The following MAPKAP1 variants were observed in gnomAD, a reference collection of about 807,000 sequenced individuals.
MAPKAP1 encodes the protein MAPK associated protein 1.
MAPKAP1 carries 20 observed loss-of-function variants against 65.7 expected under a neutral mutation model. That is an observed-to-expected ratio of 0.30 (90% CI 0.21 to 0.44). The LOEUF is 0.44. Ranked by LOEUF, MAPKAP1 falls within the 20% of genes least tolerant of loss-of-function variation. The pLI is 1.00. For synonymous variants in MAPKAP1, 222 were observed against 244.3 expected (o/e 0.91, Z 0.85); for missense variants, 423 against 648.0 (o/e 0.65, Z 3.77).
chr9:125,604,672 A>G (rs1036303175), intron 4 of MAPKAP1, among the ~76,000 whole-genome samples: 1 of 152,280 alleles, frequency 6.6e-6, no homozygotes, highest in Non-Finnish European at 1.5e-5. Flanking sequence ...TAAAGAATGA[A>G]TAACAGCACA....
intron 7 of MAPKAP1, among the ~76,000 whole-genome samples, chr9:125,537,024 T>C (rs78746771): frequency 0.024 from 3,704 of 152,344 alleles, 149 homozygotes; most frequent in African/African-American, 0.085. Flanking sequence ...CTCGTGCATT[T>C]AGATCTCAGA....
At chr9:125,505,458 T>A (rs983936072) in intron 8 of MAPKAP1, among the ~76,000 whole-genome samples, 1 of 151,360 alleles carries the variant, frequency 6.6e-6, no homozygotes, top group Admixed American at 6.6e-5. Context: ...GCCTGGCCAA[T>A]GCAGCAAGAC....
chr9:125,706,921 C>G (rs556570628), intron 1 of MAPKAP1, 50 bp downstream of exon 1: 2 of 389,704 alleles, frequency 5.1e-6, no homozygotes, highest in South Asian at 2.9e-4. Flanking sequence ...GGTGGGCAAG[C>G]TGGTGGGCTG....
intron 1 of MAPKAP1, among the ~76,000 whole-genome samples, chr9:125,704,608 A>AAG (rs1835703669): frequency 6.6e-6 from 1 of 152,180 alleles, no homozygotes; most frequent in African/African-American, 2.4e-5. Flanking sequence ...CGAAGTATTT[A>AAG]TTAACTGGAA....
intron 11 of MAPKAP1, among the ~76,000 whole-genome samples, chr9:125,442,021 C>T (rs1010517436): frequency 2.7e-5 from 4 of 146,902 alleles, no homozygotes; most frequent in Non-Finnish European, 6.0e-5. Flanking sequence ...CCCAGCTACT[C>T]GGGAAGCTGA....
At chr9:125,533,552 C>T (rs56074662) in intron 7 of MAPKAP1, among the ~76,000 whole-genome samples, 3,047 of 152,140 alleles carry the variant, frequency 0.02, 107 homozygotes, top group African/African-American at 0.069. Flanking sequence ...CAGGTTCAAG[C>T]GATTCTCCCT....
chr9:125,583,389 T>C (rs1277087380), intron 5 of MAPKAP1, among the ~76,000 whole-genome samples: 1 of 152,264 alleles, frequency 6.6e-6, no homozygotes, highest in Non-Finnish European at 1.5e-5. Context: ...TGTATTATAT[T>C]GTTATTACCT....
intron 4 of MAPKAP1, among the ~76,000 whole-genome samples, chr9:125,651,692 A>C (rs1025693025): frequency 2.6e-5 from 4 of 152,216 alleles, no homozygotes; most frequent in Non-Finnish European, 5.9e-5. Flanking sequence ...TAGTCACTCT[A>C]GATTTATCTC....
intron 4 of MAPKAP1, among the ~76,000 whole-genome samples, chr9:125,590,897 C>T (rs1589318729): frequency 6.6e-6 from 1 of 152,006 alleles, no homozygotes; most frequent in African/African-American, 2.4e-5. Flanking sequence ...CCTCAGCCAC[C>T]CAAATAGCTG....
intron 10 of MAPKAP1, among the ~76,000 whole-genome samples, chr9:125,451,505 C>G (rs1185150174): frequency 6.6e-6 from 1 of 152,108 alleles, no homozygotes; most frequent in Non-Finnish European, 1.5e-5. Context: ...TGGCCTATAC[C>G]TTTCTCCAGA....
intron 10 of MAPKAP1, among the ~76,000 whole-genome samples, chr9:125,462,226 T>G (rs1032045537): frequency 1.3e-5 from 2 of 152,106 alleles, no homozygotes; most frequent in African/African-American, 4.8e-5. Flanking sequence ...CCAGGGTGAT[T>G]TCAGTAACAA....
At chr9:125,600,835 T>C (rs993986571) in intron 4 of MAPKAP1, among the ~76,000 whole-genome samples, 2 of 152,194 alleles carry the variant, frequency 1.3e-5, no homozygotes, top group African/African-American at 4.8e-5. Context: ...CTGTAGATCA[T>C]TAATGTTACA....
Position 125,503,880 on chromosome 9 carries a change from C to CTTTTTTTT in MAPKAP1, c.1066+2422_1066+2429dup, listed in dbSNP as rs35867576. ...TATAGGCACCCGCCACCACGCTTGG[C>CTTTTTTTT]TTTTTTTTTTTTTTTTTTTTTTTTT... On this transcript the variant is annotated intron_variant, in intron 8 of 11. Transcript: ENST00000265960. Among the ~76,000 whole-genome samples, 368 of 66,216 alleles carry CTTTTTTTT rather than the reference C, an allele frequency of 5.6e-3. 28 individuals carry two copies. The highest frequency in any genetic ancestry group is 0.02 in the African/African-American group (250 of 12,578). 43.4% of individuals were successfully genotyped at this position (66,216 alleles called of 152,430 possible). A position where few individuals can be genotyped will look rare whatever the true frequency, so the allele number is the denominator to read the frequency against.
chr9:125,490,099 C>G (rs1854643660), intron 8 of MAPKAP1, among the ~76,000 whole-genome samples: 1 of 152,190 alleles, frequency 6.6e-6, no homozygotes, highest in South Asian at 2.1e-4. Flanking sequence ...TAGTGGTTCT[C>G]AAAGTGCACA....
intron 4 of MAPKAP1, among the ~76,000 whole-genome samples, chr9:125,619,679 T>C (rs1389649273): frequency 6.6e-6 from 1 of 151,916 alleles, no homozygotes; most frequent in Non-Finnish European, 1.5e-5. Flanking sequence ...CAACTGCAAC[T>C]ACAAATACCT....
intron 7 of MAPKAP1, among the ~76,000 whole-genome samples, chr9:125,519,016 T>A (rs1829543331): frequency 6.6e-6 from 1 of 152,236 alleles, no homozygotes; most frequent in Admixed American, 6.5e-5. Flanking sequence ...ACATTTATTT[T>A]AAAAATTCAA....
chr9:125,657,731 A>C lies in MAPKAP1; in HGVS notation c.418T>G (p.Ser140Ala). The stretch of plus-strand genomic sequence containing the variant: ...TGTTCTAGGCGTACAGATAATATCG[A>C]CTGCTTCCCAGAAATTGGAGGCTTC... ...KEKPPISGKQ[S>A]ILSVRLEQCP... The change falls in exon 4 of 12, where the codon TCG (serine) becomes GCG (alanine). Residue 140 changes from serine to alanine, a missense_variant. Physicochemically the swap from Ser to Ala is moderately conservative, Grantham distance 99. Coordinates refer to ENST00000265960, the MANE Select transcript of MAPKAP1 (RefSeq NM_001006617.3). 6.2e-7 allele frequency: 1 copy of C among 1,614,000 alleles called. No individual in the cohort carries two copies. The highest frequency in any genetic ancestry group is 8.5e-7 in the Non-Finnish European group (1 of 1,179,872).
At position 125,482,703 on chromosome 9, in the gene MAPKAP1, T is replaced by G. The variant is rs1010624306; in HGVS notation, c.1207+1740A>C. Among the ~76,000 whole-genome samples, 7 of 152,182 alleles carry G rather than the reference T, an allele frequency of 4.6e-5. 1 individual carries two copies. The highest frequency in any genetic ancestry group is 1.7e-4 in the African/African-American group (7 of 41,458). Reference sequence around the variant, plus strand: ...ATGTTGATAAGGGAAAAAATGAGTTTTGTTATATGTCATTTCACTTAAAGT... The same window carrying G: ...ATGTTGATAAGGGAAAAAATGAGTTGTGTTATATGTCATTTCACTTAAAGT... On this transcript the variant is annotated intron_variant, in intron 9 of 11. Transcript: ENST00000265960.
rs149148181 is a variant in MAPKAP1 at position 125,494,359 on chromosome 9, C to T, written c.1067-9776G>A. 1.8e-4 allele frequency among the ~76,000 whole-genome samples: 28 copies of T among 152,314 alleles called. No individual in the cohort carries two copies. The East Asian group carries it at 2.9e-3, about 16-fold the overall frequency. The stretch of plus-strand genomic sequence containing the variant: ...AATCTCTTTAAAGCCATCGGGATCA[C>T]GCAGTAGGATATACCCTTCACTAGA... On this transcript the variant is annotated intron_variant, in intron 8 of 11. Coordinates refer to ENST00000265960, the MANE Select transcript of MAPKAP1 (RefSeq NM_001006617.3).
Sources: gnomAD v4.1 joint callset for allele counts (sites outside exome capture counted in the v4.1 genomes callset) on GRCh38, gnomAD v4.1.1 for gene constraint, MANE v1.5 for transcripts, NCBI Gene and HGNC (gene_info 2026-07-23, HGNC 2026-07-21) for gene names.